Variants in BAIAP2L1 observed in about 807,000 individuals in gnomAD.
BAIAP2L1 encodes the protein BAR/IMD domain containing adaptor protein 2 like 1, also known as BAR/IMD domain-containing adapter protein 2-like 1.
A neutral mutation model predicts 66.3 loss-of-function variants in BAIAP2L1; 35 were observed. The ratio of observed to expected loss-of-function variants is 0.53; its 90% confidence interval spans 0.40 to 0.70. The LOEUF (loss-of-function observed/expected upper bound fraction) is 0.70, where lower values mean the gene tolerates loss of function less well. Ranked by LOEUF, BAIAP2L1 falls within the 30% of genes least tolerant of loss-of-function variation. BAIAP2L1 has a pLI of 0.00. For missense variants in BAIAP2L1, 622 were observed against 656.9 expected (o/e 0.95, Z 0.58); for synonymous variants, 269 against 248.7 (o/e 1.08, Z -0.77).
chr7:98,391,436 C>T (rs1803041052), intron 1 of BAIAP2L1, among the ~76,000 whole-genome samples: 1 of 152,082 alleles, frequency 6.6e-6, no homozygotes. Context: ...TGGCCAGGCA[C>T]AGTGGCTCAC....
In BAIAP2L1 at chr7:98,300,458, T is replaced by C. The variant is rs12670670; in HGVS notation, c.1422+3738A>G. ...CCCCGCAATGCTTTTGCAGTCTGCATAGGATGTTAGAATAACAGCATGCAG... is the reference window on the plus strand; with the variant it reads ...CCCCGCAATGCTTTTGCAGTCTGCACAGGATGTTAGAATAACAGCATGCAG... On this transcript the variant is annotated intron_variant, in intron 12 of 13. Coordinates refer to ENST00000005260, the MANE Select transcript of BAIAP2L1 (RefSeq NM_018842.5). 8.8e-4 allele frequency among the ~76,000 whole-genome samples: 134 copies of C among 152,314 alleles called. 1 individual carries two copies. In the East Asian group the frequency reaches 0.019, roughly 21 times the overall value.
Position 98,307,914 on chromosome 7 carries a change from G to A in BAIAP2L1, c.956-18C>T. On this transcript the variant is annotated intron_variant, in intron 9 of 13. Transcript: ENST00000005260. The stretch of plus-strand genomic sequence containing the variant: ...GGAAGTACCTGTTGGAGGGAGTGTA[G>A]CAGTAATGGCTTTTCAAAGCATGAG... The A allele has an allele frequency of 1.2e-6, 2 of 1,612,686 alleles. No homozygotes were observed. Among genetic ancestry groups the A allele is most frequent in the Non-Finnish European group, 1.7e-6 (2 of 1,178,674 alleles).
intron 3 of BAIAP2L1, among the ~76,000 whole-genome samples, chr7:98,349,313 T>C (rs1206921161): frequency 6.6e-6 from 1 of 152,142 alleles, no homozygotes; most frequent in Non-Finnish European, 1.5e-5. Flanking sequence ...GGTGGACACA[T>C]CCGGAGACCC....
At chr7:98,367,381 CTTTG>C (rs1005447977) in intron 1 of BAIAP2L1, among the ~76,000 whole-genome samples, 3 of 151,686 alleles carry the variant, frequency 2.0e-5, no homozygotes, top group Non-Finnish European at 2.9e-5. Context: ...TTTCTTTTTT[CTTTG>C]TTTGAGACAG....
Position 98,400,585 on chromosome 7 carries a change from G to C in BAIAP2L1, c.51+217C>G, listed in dbSNP as rs1803343974. ...GAGGGAAGGAGGAGGAAAAGTAGGG[G>C]GGAGGGGATGGGGAGGGACTGGGAG... On this transcript the variant is annotated intron_variant, in intron 1 of 13. Coordinates refer to ENST00000005260, the MANE Select transcript of BAIAP2L1 (RefSeq NM_018842.5). Among the ~76,000 whole-genome samples the C allele has an allele frequency of 1.5e-5, 2 of 137,308 alleles. 1 individual carries two copies. Among genetic ancestry groups the C allele is most frequent in the South Asian group, 5.1e-4 (2 of 3,944 alleles). The allele number at this position is 137,308 out of a possible 152,430, so 90.1% of individuals were successfully genotyped here. A position where few individuals can be genotyped will look rare whatever the true frequency, so the allele number is the denominator to read the frequency against.
In BAIAP2L1 at chr7:98,310,657, A is replaced by G. The variant is rs527698899; in HGVS notation, c.808-65T>C. On this transcript the variant is annotated intron_variant, in intron 8 of 13. Coordinates refer to ENST00000005260, the MANE Select transcript of BAIAP2L1 (RefSeq NM_018842.5). Reference sequence around the variant, plus strand: ...CAGAACCGGAATTACACAGATTCCCAAGGCTGTTTTTTTTTTTTAAATAAT... The same window carrying G: ...CAGAACCGGAATTACACAGATTCCCGAGGCTGTTTTTTTTTTTTAAATAAT... 2.3e-6 allele frequency: 3 copies of G among 1,305,352 alleles called. No homozygotes were observed. The South Asian group carries it at 4.9e-5, about 21-fold the overall frequency. The allele number at this position is 1,305,352 out of a possible 1,614,324, so 80.9% of individuals were successfully genotyped here.
At chr7:98,299,368 G>A (rs1056911959) in intron 12 of BAIAP2L1, among the ~76,000 whole-genome samples, 2 of 151,956 alleles carry the variant, frequency 1.3e-5, no homozygotes, top group Non-Finnish European at 2.9e-5. Flanking sequence ...ATATTGCCCA[G>A]GCTGATCTGG....
chr7:98,393,169 A>G (rs764794602), intron 1 of BAIAP2L1, among the ~76,000 whole-genome samples: 10 of 82,746 alleles, frequency 1.2e-4, no homozygotes, highest in East Asian at 4.9e-4. Context: ...ACATATATGT[A>G]TATATATACA....
chr7:98,355,251 T>C (rs901467330), intron 2 of BAIAP2L1, 123 bp from the exon 3 acceptor site: 5 of 716,584 alleles, frequency 7.0e-6, no homozygotes, highest in South Asian at 3.2e-5. Context: ...CTGTGGCAGG[T>C]GTGGCTCTCA....
chr7:98,349,409 C>G (rs1195185447), intron 3 of BAIAP2L1, among the ~76,000 whole-genome samples: 1 of 152,178 alleles, frequency 6.6e-6, no homozygotes, highest in Non-Finnish European at 1.5e-5. Flanking sequence ...CTAAGAAGAG[C>G]CACGCCCACG....
intron 1 of BAIAP2L1, among the ~76,000 whole-genome samples, chr7:98,375,035 C>T (rs1802586889): frequency 6.6e-6 from 1 of 151,778 alleles, no homozygotes; most frequent in Non-Finnish European, 1.5e-5. Context: ...TTCAATGAGC[C>T]GAGATTGTGC....
chr7:98,377,050 T>C (rs1802649884), intron 1 of BAIAP2L1, among the ~76,000 whole-genome samples: 1 of 152,210 alleles, frequency 6.6e-6, no homozygotes. Flanking sequence ...GAAGATATTC[T>C]GCTTAAGGGC....
intron 10 of BAIAP2L1, chr7:98,307,128 T>C (rs932870142): frequency 1.3e-5 from 2 of 159,148 alleles, no homozygotes; most frequent in African/African-American, 4.8e-5. Context: ...ATTTATTTTT[T>C]TGAGACAGAG....
At chr7:98,337,765 A>G (rs1205293530) in intron 3 of BAIAP2L1, among the ~76,000 whole-genome samples, 1 of 152,080 alleles carries the variant, frequency 6.6e-6, no homozygotes, top group Non-Finnish European at 1.5e-5. Flanking sequence ...AAAAGATACA[A>G]AAATTAGCTG....
intron 1 of BAIAP2L1, chr7:98,386,398 T>C: frequency 1.3e-6 from 2 of 1,591,020 alleles, no homozygotes; most frequent in East Asian, 2.2e-5. Flanking sequence ...ACACGACCCT[T>C]GAGACCATCA....
chr7:98,351,116 C>G (rs1801990113), intron 3 of BAIAP2L1, among the ~76,000 whole-genome samples: 1 of 152,168 alleles, frequency 6.6e-6, no homozygotes, highest in Non-Finnish European at 1.5e-5. Flanking sequence ...CCGCCTTGGC[C>G]TTCCAAAGTG....
At chr7:98,327,356 GTAAATAAATAAATAAA>G (rs57971788) in intron 3 of BAIAP2L1, among the ~76,000 whole-genome samples, 4 of 142,302 alleles carry the variant, frequency 2.8e-5, no homozygotes, top group East Asian at 2.1e-4. Context: ...GCAAGACCTT[GTAAATAAATAAATAAA>G]TAAATAAATA....
rs777461054 is a variant in BAIAP2L1 at position 98,362,428 on chromosome 7, A to G, written c.56T>C (p.Val19Ala). ...CAGCCCAGGATTGAACTGTTCCATA[A>G]CATTCTGCCAAACAAACAAAACACA... Reference protein sequence around the residue: ...NRLTESTYRNVMEQFNPGLRN... With the variant: ...NRLTESTYRNAMEQFNPGLRN... Residue 19 changes from valine (V) to alanine (A), a missense_variant, in exon 2 of 14, where the codon GTT (valine) becomes GCT (alanine). Val to Ala is a moderately conservative substitution (Grantham distance 64). Coordinates refer to ENST00000005260, the MANE Select transcript of BAIAP2L1 (RefSeq NM_018842.5). The G allele has an allele frequency of 1.3e-6, 2 of 1,596,792 alleles. No individual in the cohort carries two copies. Among genetic ancestry groups the G allele is most frequent in the Non-Finnish European group, 1.7e-6 (2 of 1,175,450 alleles).
chr7:98,324,821 C>T (rs182461016), intron 3 of BAIAP2L1, among the ~76,000 whole-genome samples: 1 of 152,310 alleles, frequency 6.6e-6, no homozygotes, highest in Admixed American at 6.5e-5. Context: ...TTTTCTTCAT[C>T]AGTTCACAGT....
Sources: gnomAD v4.1 joint callset for allele counts (sites outside exome capture counted in the v4.1 genomes callset) on GRCh38, gnomAD v4.1.1 for gene constraint, MANE v1.5 for transcripts, NCBI Gene and HGNC (gene_info 2026-07-23, HGNC 2026-07-21) for gene names.